Variants in KDM5A observed in about 807,000 individuals in gnomAD.
The protein encoded by KDM5A is lysine-specific demethylase 5A.
A neutral mutation model predicts 193.5 loss-of-function variants in KDM5A; 42 were observed. That is an observed-to-expected ratio of 0.22 (90% confidence interval 0.17 to 0.28). The LOEUF is 0.28. Among genes scored for constraint, KDM5A ranks in the 10% least tolerant of loss-of-function variants. The pLI is 1.00. For synonymous variants in KDM5A, 796 were observed against 718.1 expected (o/e 1.11, Z -1.73); for missense variants, 1,692 against 2,055.1 (o/e 0.82, Z 3.42).
chr12:363,035 A>G lies in KDM5A; in HGVS notation c.600T>C (p.Asp200=), dbSNP rs1199299399. Residue 200 remains aspartate, a synonymous_variant, in exon 5 of 28, where the codon GAT becomes GAC. Coordinates refer to ENST00000399788, the MANE Select transcript of KDM5A (RefSeq NM_001042603.3). Reference sequence around the variant, plus strand: ...TGCCTGGCTCTGGGGAAGTTTGGGTATCAGTGCTGAGAACCTCAGGCTCCA... The same window carrying G: ...TGCCTGGCTCTGGGGAAGTTTGGGTGTCAGTGCTGAGAACCTCAGGCTCCA... ...EKVEPEVLST[D]TQTSPEPGTR... 1.2e-6 allele frequency: 2 copies of G among 1,614,000 alleles called. No individual in the cohort carries two copies. Among genetic ancestry groups the G allele is most frequent in the African/African-American group, 1.3e-5 (1 of 74,928 alleles).
At chr12:324,671 A>C (rs887789374) in intron 14 of KDM5A, among the ~76,000 whole-genome samples, 1 of 152,042 alleles carries the variant, frequency 6.6e-6, no homozygotes, top group Non-Finnish European at 1.5e-5. Flanking sequence ...TCAGGAGTTC[A>C]AGACCAGCCT....
intron 3 of KDM5A, among the ~76,000 whole-genome samples, chr12:379,567 A>C (rs965699498): frequency 6.6e-6 from 1 of 152,268 alleles, no homozygotes; most frequent in African/African-American, 2.4e-5. Flanking sequence ...CGTGAGAAGC[A>C]GCAATCTCAC....
chr12:333,788 T>C lies in KDM5A; in HGVS notation c.1491-139A>G. The C allele has an allele frequency of 4.9e-6, 4 of 815,082 alleles. No homozygotes were observed. The South Asian group carries it at 5.8e-5, about 12-fold the overall frequency. The allele number at this position is 815,082 out of a possible 1,614,324, so 50.5% of individuals were successfully genotyped here. Reference sequence around the variant, plus strand: ...TATGCCCTGAATTCTGGCAACCATCTTATAAACCTGTGCTGTTGTTCACAA... The same window carrying C: ...TATGCCCTGAATTCTGGCAACCATCCTATAAACCTGTGCTGTTGTTCACAA... On this transcript the variant is annotated intron_variant, in intron 11 of 27. Transcript: ENST00000399788.
At chr12:313,230 G>A (rs1435516725) in intron 19 of KDM5A, 36 bp from the exon 20 acceptor site, 3 of 1,610,034 alleles carry the variant, frequency 1.9e-6, no homozygotes, top group East Asian at 4.5e-5. Context: ...GGATGCATGA[G>A]AAATCAACAT....
rs1282592903 is a variant in KDM5A at position 285,738 on chromosome 12, T to C, written c.4867-76A>G. On this transcript the variant is annotated intron_variant, in intron 27 of 27. Transcript: ENST00000399788. ...AGAATAAAAGCAAACCAAAGAGCTT[T>C]CTTGGCTTAAACAATAGCAAACAAC... 6.0e-6 allele frequency: 8 copies of C among 1,334,910 alleles called. No individual in the cohort carries two copies. In the African/African-American group the frequency reaches 8.7e-5, roughly 14 times the overall value. The allele number at this position is 1,334,910 out of a possible 1,614,324, so 82.7% of individuals were successfully genotyped here. A position where few individuals can be genotyped will look rare whatever the true frequency, so the allele number is the denominator to read the frequency against.
intron 11 of KDM5A, 100 bp downstream of exon 11, chr12:334,141 T>A: frequency 9.1e-7 from 1 of 1,104,528 alleles, no homozygotes; most frequent in Non-Finnish European, 1.3e-6. Context: ...AAACCTTAAA[T>A]ATACTTCTGT....
chr12:359,997 C>A (rs149194979), intron 5 of KDM5A, among the ~76,000 whole-genome samples: 1 of 151,474 alleles, frequency 6.6e-6, no homozygotes, highest in Non-Finnish European at 1.5e-5. Flanking sequence ...AGATTTGGGC[C>A]GGGTGTGATG....
At chr12:381,563 T>C (rs1203773072) in intron 3 of KDM5A, among the ~76,000 whole-genome samples, 5 of 147,514 alleles carry the variant, frequency 3.4e-5, no homozygotes, top group African/African-American at 1.4e-4. Flanking sequence ...ATCCTAATAG[T>C]TCCCTATAAG....
At chr12:325,718 T>C (rs1324838798) in intron 14 of KDM5A, among the ~76,000 whole-genome samples, 1 of 149,318 alleles carries the variant, frequency 6.7e-6, no homozygotes, top group Admixed American at 6.7e-5. Flanking sequence ...AACATATAAC[T>C]ATGAAGGAAA....
intron 27 of KDM5A, among the ~76,000 whole-genome samples, chr12:286,673 C>G (rs982944739): frequency 1.3e-5 from 2 of 152,112 alleles, no homozygotes; most frequent in African/African-American, 4.8e-5. Flanking sequence ...AGAGAAAGAA[C>G]AGATGAAGGA....
intron 17 of KDM5A, among the ~76,000 whole-genome samples, chr12:321,482 T>TGC (rs1943716699): frequency 6.6e-6 from 1 of 152,228 alleles, no homozygotes; most frequent in Non-Finnish European, 1.5e-5. Context: ...CAAAATTTTG[T>TGC]GTGCACATGA....
chr12:333,013 T>A (rs903208410), intron 12 of KDM5A: 5 of 196,512 alleles, frequency 2.5e-5, no homozygotes, highest in African/African-American at 9.4e-5. Context: ...TAAAAGTTGT[T>A]CCCTGCAGAG....
intron 24 of KDM5A, among the ~76,000 whole-genome samples, chr12:303,244 A>G (rs1943467468): frequency 6.6e-6 from 1 of 152,262 alleles, no homozygotes; most frequent in South Asian, 2.1e-4. Context: ...TCACAACAGC[A>G]AAGACTTGGA....
At chr12:305,642 G>A (rs921483556) in intron 24 of KDM5A, among the ~76,000 whole-genome samples, 8 of 152,140 alleles carry the variant, frequency 5.3e-5, no homozygotes, top group Non-Finnish European at 2.9e-5. Flanking sequence ...CAAGTCAATG[G>A]ATTGACTGTA....
At chr12:296,891 C>G in intron 25 of KDM5A, 150 bp downstream of exon 25, 1 of 825,874 alleles carries the variant, frequency 1.2e-6, no homozygotes, top group Non-Finnish European at 1.9e-6. Flanking sequence ...TTGGCTTTTC[C>G]AAAAGAAAAC....
At chr12:362,841 A>G (rs1043428999) in intron 5 of KDM5A, 122 bp downstream of exon 5, 3 of 865,346 alleles carry the variant, frequency 3.5e-6, no homozygotes, top group Non-Finnish European at 5.7e-6. Flanking sequence ...CATACCAACC[A>G]GCAATACTCA....
chr12:368,741 A>G (rs186220191), intron 3 of KDM5A, among the ~76,000 whole-genome samples: 6 of 152,256 alleles, frequency 3.9e-5, no homozygotes, highest in Admixed American at 3.9e-4. Flanking sequence ...GGAAAAAACA[A>G]ACAGACAAAA....
intron 3 of KDM5A, among the ~76,000 whole-genome samples, chr12:371,501 A>G (rs1944427346): frequency 6.6e-6 from 1 of 152,044 alleles, no homozygotes; most frequent in Non-Finnish European, 1.5e-5. Context: ...GATTCTGGAT[A>G]TTAGCCCTTT....
chr12:370,522 CTTGAA>C (rs1944412855), intron 3 of KDM5A, among the ~76,000 whole-genome samples: 2 of 152,284 alleles, frequency 1.3e-5, no homozygotes, highest in East Asian at 1.9e-4. Context: ...ATGGCATGCA[CTTGAA>C]TTGAACACAA....
Sources: gnomAD v4.1 joint callset for allele counts (sites outside exome capture counted in the v4.1 genomes callset) on GRCh38, gnomAD v4.1.1 for gene constraint, MANE v1.5 for transcripts, NCBI Gene and HGNC (gene_info 2026-07-23, HGNC 2026-07-21) for gene names.